The following AGBL4 variants were observed in gnomAD, a reference collection of about 807,000 sequenced individuals.
AGBL4 encodes the protein AGBL carboxypeptidase 4, also known as cytosolic carboxypeptidase 6.
A neutral mutation model predicts 66.4 loss-of-function variants in AGBL4; 58 were observed. That is an observed-to-expected ratio of 0.87 (90% confidence interval 0.71 to 1.09). AGBL4 has a LOEUF of 1.09. AGBL4 is among the 50% of genes least tolerant of loss of function. The pLI, the probability that AGBL4 is intolerant of heterozygous loss-of-function variation, is 0.00. For missense variants in AGBL4, 579 were observed against 631.0 expected (o/e 0.92, Z 0.88); for synonymous variants, 234 against 222.9 (o/e 1.05, Z -0.44).
intron 11 of AGBL4, among the ~76,000 whole-genome samples, chr1:48,551,571 A>G (rs547627714): frequency 6.6e-6 from 1 of 152,286 alleles, no homozygotes; most frequent in African/African-American, 2.4e-5. Context: ...AAGCAAGACA[A>G]AAACAAATCA....
chr1:49,254,517 A>T (rs751545570), intron 3 of AGBL4, among the ~76,000 whole-genome samples: 9 of 152,210 alleles, frequency 5.9e-5, no homozygotes, highest in Non-Finnish European at 1.3e-4. Context: ...ATATAAAATG[A>T]CATGAACAAA....
At chr1:49,424,857 G>A (rs1411355224) in intron 3 of AGBL4, among the ~76,000 whole-genome samples, 1 of 152,178 alleles carries the variant, frequency 6.6e-6, no homozygotes, top group African/African-American at 2.4e-5. Context: ...TCTGTGCCTG[G>A]AGTTGAAGTG....
chr1:48,964,827 A>G (rs1658289967), intron 5 of AGBL4, among the ~76,000 whole-genome samples: 1 of 152,162 alleles, frequency 6.6e-6, no homozygotes, highest in African/African-American at 2.4e-5. Context: ...TATGAAACTC[A>G]CAACAAGATA....
intron 1 of AGBL4, among the ~76,000 whole-genome samples, chr1:49,956,858 G>T (rs1656651165): frequency 6.6e-6 from 1 of 151,932 alleles, no homozygotes; most frequent in African/African-American, 2.4e-5. Flanking sequence ...AAAGAGAACT[G>T]ATCAGTTTGT....
At chr1:49,845,737 G>C (rs945922810) in intron 2 of AGBL4, 2 of 1,592,308 alleles carry the variant, frequency 1.3e-6, no homozygotes, top group Admixed American at 1.7e-5. Flanking sequence ...TTACACGGGA[G>C]AGAAGCCCTA....
chr1:49,903,211 G>T (rs1343292441), intron 1 of AGBL4, among the ~76,000 whole-genome samples: 1 of 152,158 alleles, frequency 6.6e-6, no homozygotes, highest in Non-Finnish European at 1.5e-5. Flanking sequence ...GATGGCGCTG[G>T]AGATCATTAT....
At chr1:49,347,653 A>T (rs1428297284) in intron 3 of AGBL4, among the ~76,000 whole-genome samples, 2 of 151,558 alleles carry the variant, frequency 1.3e-5, no homozygotes, top group Non-Finnish European at 2.9e-5. Flanking sequence ...AGGTCAGGAG[A>T]TTGAGACCAT....
At chr1:49,309,318 A>G (rs1202676358) in intron 3 of AGBL4, among the ~76,000 whole-genome samples, 1 of 152,132 alleles carries the variant, frequency 6.6e-6, no homozygotes, top group African/African-American at 2.4e-5. Flanking sequence ...ATGTTTAAGA[A>G]TCACCCAGGA....
chr1:49,654,777 T>C (rs1003600879), intron 3 of AGBL4, among the ~76,000 whole-genome samples: 2 of 152,224 alleles, frequency 1.3e-5, no homozygotes, highest in Non-Finnish European at 2.9e-5. Flanking sequence ...ATTTGCTTGG[T>C]AGATCTTCCT....
At chr1:48,951,358 G>A (rs564905397) in intron 5 of AGBL4, among the ~76,000 whole-genome samples, 3 of 152,222 alleles carry the variant, frequency 2.0e-5, no homozygotes, top group South Asian at 4.1e-4. Context: ...AGAGTTGGAG[G>A]GGAAGCTCCT....
chr1:48,738,253 G>A (rs1015536701), intron 6 of AGBL4, among the ~76,000 whole-genome samples: 8 of 152,138 alleles, frequency 5.3e-5, no homozygotes, highest in Non-Finnish European at 8.8e-5. Context: ...CTACCTGCAC[G>A]TCTGACTTCA....
At chr1:48,954,496 G>A (rs1276908412) in intron 5 of AGBL4, among the ~76,000 whole-genome samples, 1 of 152,172 alleles carries the variant, frequency 6.6e-6, no homozygotes, top group Non-Finnish European at 1.5e-5. Context: ...AGAGCACAGA[G>A]CAACTTTTTG....
At chr1:49,533,963 G>A (rs1651349320) in intron 3 of AGBL4, among the ~76,000 whole-genome samples, 1 of 152,078 alleles carries the variant, frequency 6.6e-6, no homozygotes, top group Non-Finnish European at 1.5e-5. Context: ...AGAATCTGCA[G>A]ATTTGGGGAT....
intron 4 of AGBL4, chr1:49,187,622 C>A (rs946148829): frequency 3.3e-5 from 5 of 152,052 alleles, no homozygotes; most frequent in African/African-American, 1.2e-4. Context: ...TCATGTCACT[C>A]CTTTGCTTAA....
At chr1:49,398,343 C>T (rs371293209) in intron 3 of AGBL4, among the ~76,000 whole-genome samples, 3 of 59,424 alleles carry the variant, frequency 5.0e-5, no homozygotes, top group Admixed American at 4.6e-4. Flanking sequence ...TTCTCTCTCT[C>T]TCTCTCTCTC....
At chr1:48,636,765 G>A (rs937213724) in intron 8 of AGBL4, among the ~76,000 whole-genome samples, 2 of 152,150 alleles carry the variant, frequency 1.3e-5, no homozygotes, top group African/African-American at 2.4e-5. Context: ...AGGGTAATTC[G>A]GCCAGCATAT....
At chr1:49,447,870 T>C (rs1333439091) in intron 3 of AGBL4, among the ~76,000 whole-genome samples, 1 of 152,134 alleles carries the variant, frequency 6.6e-6, no homozygotes, top group Non-Finnish European at 1.5e-5. Context: ...TTCTATTCAA[T>C]GTGTGATTAT....
At position 49,370,746 on chromosome 1, in the gene AGBL4, A is replaced by G. The variant is rs1191531139; in HGVS notation, c.283-124882T>C. ...CCTAACAGTATCATTATGAGATAAA[A>G]TATATAAAATGCTTAGAATACAACA... On this transcript the variant is annotated intron_variant, in intron 3 of 13. Coordinates refer to ENST00000371839, the MANE Select transcript of AGBL4 (RefSeq NM_032785.4). Among the ~76,000 whole-genome samples the G allele has an allele frequency of 2.6e-5, 4 of 152,324 alleles. No individual in the cohort carries two copies. In the East Asian group the frequency reaches 7.7e-4, roughly 29 times the overall value.
chr1:48,983,542 A>G (rs953657960), intron 5 of AGBL4, among the ~76,000 whole-genome samples: 5 of 152,220 alleles, frequency 3.3e-5, no homozygotes, highest in African/African-American at 1.2e-4. Flanking sequence ...TTATGGGGGA[A>G]AAAAACCTTA....
Sources: gnomAD v4.1 joint callset for allele counts (sites outside exome capture counted in the v4.1 genomes callset) on GRCh38, gnomAD v4.1.1 for gene constraint, MANE v1.5 for transcripts, NCBI Gene and HGNC (gene_info 2026-07-23, HGNC 2026-07-21) for gene names.